IQCM: variants seen among roughly 807,000 people sequenced by gnomAD.
The protein encoded by IQCM is IQ motif containing M.
IQCM carries 45 observed loss-of-function variants against 57.6 expected under a neutral mutation model. The observed-to-expected ratio is 0.78, with a 90% CI of 0.62 to 1.00. IQCM has a LOEUF of 1.00. Ranked by LOEUF, IQCM falls within the 50% of genes least tolerant of loss-of-function variation. The probability of loss-of-function intolerance (pLI) is 0.00; values close to 1 mark genes in which losing one functional copy is unlikely to be tolerated. For missense variants in IQCM, 468 were observed against 511.6 expected, an observed-to-expected ratio of 0.91 and a Z score of 0.82; for synonymous variants, 148 against 158.9, an observed-to-expected ratio of 0.93 and a Z score of 0.51.
intron 13 of IQCM, among the ~76,000 whole-genome samples, chr4:149,393,503 A>T (rs1426653887): frequency 6.6e-6 from 1 of 151,934 alleles, no homozygotes; most frequent in Non-Finnish European, 1.5e-5. Flanking sequence ...AGTGGATAAG[A>T]ATTTTTAAGA....
intron 5 of IQCM, among the ~76,000 whole-genome samples, chr4:149,726,124 AAAG>A (rs1765900154): frequency 1.4e-5 from 2 of 145,684 alleles, no homozygotes; most frequent in Admixed American, 6.8e-5. Flanking sequence ...AGAAAGAAAG[AAAG>A]AAAGAAAGAA....
intron 12 of IQCM, among the ~76,000 whole-genome samples, chr4:149,546,831 C>A (rs1162825756): frequency 6.6e-6 from 1 of 152,012 alleles, no homozygotes; most frequent in African/African-American, 2.4e-5. Flanking sequence ...TTAATTAGAT[C>A]CCATTTGTCA....
chr4:149,629,843 T>A (rs1757106543), intron 7 of IQCM, among the ~76,000 whole-genome samples: 1 of 152,126 alleles, frequency 6.6e-6, no homozygotes, highest in African/African-American at 2.4e-5. Context: ...TTGCACTCAT[T>A]TTTTTCTAAA....
At chr4:149,692,001 G>A (rs1298965550) in intron 5 of IQCM, among the ~76,000 whole-genome samples, 1 of 152,240 alleles carries the variant, frequency 6.6e-6, no homozygotes, top group East Asian at 1.9e-4. Context: ...GTACACTACA[G>A]CAGAGACAAT....
intron 8 of IQCM, among the ~76,000 whole-genome samples, chr4:149,619,694 A>G (rs1164544809): frequency 6.6e-6 from 1 of 152,204 alleles, no homozygotes; most frequent in Non-Finnish European, 1.5e-5. Flanking sequence ...CAGTTGTCTA[A>G]TGATGTTATG....
intron 7 of IQCM, among the ~76,000 whole-genome samples, chr4:149,672,509 C>T (rs186240077): frequency 6.6e-6 from 1 of 152,064 alleles, no homozygotes; most frequent in Non-Finnish European, 1.5e-5. Context: ...ATTCGGTCAA[C>T]TGGAAGAAAG....
At chr4:149,567,778 A>G (rs1048750868) in intron 9 of IQCM, among the ~76,000 whole-genome samples, 1 of 152,202 alleles carries the variant, frequency 6.6e-6, no homozygotes, top group African/African-American at 2.4e-5. Flanking sequence ...GGAGGGCTGC[A>G]AGACATGACA....
At chr4:149,386,332 T>A (rs1731424040) in intron 13 of IQCM, among the ~76,000 whole-genome samples, 1 of 152,046 alleles carries the variant, frequency 6.6e-6, no homozygotes, top group African/African-American at 2.4e-5. Flanking sequence ...CACAATTATT[T>A]TTCAAACACA....
At chr4:149,449,176 C>G (rs893530266) in intron 12 of IQCM, among the ~76,000 whole-genome samples, 1 of 137,670 alleles carries the variant, frequency 7.3e-6, no homozygotes, top group Non-Finnish European at 1.6e-5. Flanking sequence ...CTGTTCCCCC[C>G]CAACCCGCCA....
intron 7 of IQCM, among the ~76,000 whole-genome samples, chr4:149,663,669 C>T (rs1360436184): frequency 6.6e-6 from 1 of 151,952 alleles, no homozygotes; most frequent in African/African-American, 2.4e-5. Flanking sequence ...TCTCTTCTAG[C>T]CTGGATGGTT....
chr4:149,645,560 C>T (rs932170898), intron 7 of IQCM, among the ~76,000 whole-genome samples: 1 of 152,132 alleles, frequency 6.6e-6, no homozygotes, highest in Non-Finnish European at 1.5e-5. Context: ...TCAGTACTAC[C>T]CAAGAGTAAG....
chr4:149,558,110 T>A (rs1042756292), intron 10 of IQCM, among the ~76,000 whole-genome samples: 1 of 152,206 alleles, frequency 6.6e-6, no homozygotes, highest in African/African-American at 2.4e-5. Flanking sequence ...TACTTTAGTG[T>A]TTGTGGAATA....
At chr4:149,797,840 T>C (rs1174180399) in intron 2 of IQCM, among the ~76,000 whole-genome samples, 1 of 151,104 alleles carries the variant, frequency 6.6e-6, no homozygotes, top group Non-Finnish European at 1.5e-5. Context: ...TGATAAAAAA[T>C]ATCCTTTAAA....
At chr4:149,666,116 T>A (rs1350676994) in intron 7 of IQCM, 1 of 152,534 alleles carries the variant, frequency 6.6e-6, no homozygotes, top group Non-Finnish European at 1.5e-5. Context: ...CAATACTCCT[T>A]AATAAACTCC....
chr4:149,613,240 T>C (rs373481685), intron 8 of IQCM, among the ~76,000 whole-genome samples: 1 of 151,912 alleles, frequency 6.6e-6, no homozygotes, highest in African/African-American at 2.4e-5. Flanking sequence ...GAAGAAAATA[T>C]GATGAGGGAG....
chr4:149,364,409 G>A (rs1415949781), intron 13 of IQCM, among the ~76,000 whole-genome samples: 1 of 152,120 alleles, frequency 6.6e-6, no homozygotes, highest in African/African-American at 2.4e-5. Flanking sequence ...TGGGAATTCT[G>A]AGAAGGCTGG....
chr4:149,502,446 TG>T (rs748165024), intron 12 of IQCM, among the ~76,000 whole-genome samples: 86 of 152,188 alleles, frequency 5.7e-4, no homozygotes, highest in Middle Eastern at 6.8e-3. Flanking sequence ...GGTGAGAGGA[TG>T]GCTTGAGCCC....
intron 2 of IQCM, among the ~76,000 whole-genome samples, chr4:149,754,892 G>A (rs1326232741): frequency 2.0e-5 from 3 of 152,140 alleles, no homozygotes; most frequent in Non-Finnish European, 4.4e-5. Context: ...TCATTCGGAT[G>A]TCACCAAACC....
chr4:149,741,820 C>A (rs1470397283), intron 3 of IQCM, among the ~76,000 whole-genome samples: 1 of 152,104 alleles, frequency 6.6e-6, no homozygotes, highest in Non-Finnish European at 1.5e-5. Flanking sequence ...AGTCTCATCA[C>A]ACCAGAAAAA....
Sources: gnomAD v4.1 joint callset for allele counts (sites outside exome capture counted in the v4.1 genomes callset) on GRCh38, gnomAD v4.1.1 for gene constraint, MANE v1.5 for transcripts, NCBI Gene and HGNC (gene_info 2026-07-23, HGNC 2026-07-21) for gene names.